The following ANO10 variants were observed in gnomAD, a reference collection of about 807,000 sequenced individuals.
The protein encoded by ANO10 is anoctamin-10.
ANO10 carries 77 observed loss-of-function variants against 74.7 expected under a neutral mutation model. The ratio of observed to expected loss-of-function variants is 1.03; its 90% CI spans 0.86 to 1.25. ANO10 has a LOEUF of 1.25. Among genes scored for constraint, ANO10 ranks in the 50% most tolerant of loss-of-function variants. The pLI, the probability that ANO10 is intolerant of heterozygous loss-of-function variation, is 0.00. For missense variants in ANO10, 721 were observed against 778.1 expected (o/e 0.93, Z 0.87); for synonymous variants, 279 against 284.9 (o/e 0.98, Z 0.21).
At chr3:43,655,105 G>A (rs373483450) in intron 1 of ANO10, among the ~76,000 whole-genome samples, 3 of 152,166 alleles carry the variant, frequency 2.0e-5, no homozygotes, top group Non-Finnish European at 2.9e-5. Flanking sequence ...CGTATACACA[G>A]TAAAACTAGA....
intron 11 of ANO10, among the ~76,000 whole-genome samples, chr3:43,541,344 C>T (rs954090120): frequency 6.6e-6 from 1 of 152,188 alleles, no homozygotes; most frequent in African/African-American, 2.4e-5. Context: ...ATACTGCATG[C>T]ATTTATTCAT....
intron 12 of ANO10, among the ~76,000 whole-genome samples, chr3:43,424,947 A>G (rs777777650): frequency 9.2e-5 from 14 of 152,130 alleles, no homozygotes; most frequent in Admixed American, 2.0e-4. Context: ...TAGATATACC[A>G]TAAACTTTGG....
chr3:43,414,127 A>G (rs2092704186), intron 12 of ANO10, among the ~76,000 whole-genome samples: 2 of 152,318 alleles, frequency 1.3e-5, no homozygotes, highest in East Asian at 1.9e-4. Flanking sequence ...AAAAGGCAGG[A>G]TATTTTGCTA....
intron 12 of ANO10, among the ~76,000 whole-genome samples, chr3:43,419,886 C>T (rs548678903): frequency 1.3e-5 from 2 of 152,244 alleles, no homozygotes; most frequent in East Asian, 1.9e-4. Flanking sequence ...TATTTATGTT[C>T]TCATAAGCAT....
intron 12 of ANO10, among the ~76,000 whole-genome samples, chr3:43,410,287 C>T (rs928238246): frequency 1.3e-5 from 2 of 151,956 alleles, no homozygotes; most frequent in Admixed American, 6.6e-5. Flanking sequence ...GTCTCTCTGT[C>T]TCACCCAGGC....
chr3:43,404,670 C>G (rs2092542434), intron 12 of ANO10, among the ~76,000 whole-genome samples: 3 of 151,846 alleles, frequency 2.0e-5, no homozygotes, highest in Admixed American at 2.0e-4. Flanking sequence ...TAGCTTGAGC[C>G]CAGGAGTTTG....
At chr3:43,406,499 C>T (rs1454960015) in intron 12 of ANO10, among the ~76,000 whole-genome samples, 1 of 152,104 alleles carries the variant, frequency 6.6e-6, no homozygotes, top group African/African-American at 2.4e-5. Flanking sequence ...AAACAACAGT[C>T]ACATTCTTAT....
intron 1 of ANO10, among the ~76,000 whole-genome samples, chr3:43,672,581 C>T (rs113270071): frequency 0.012 from 1,772 of 152,156 alleles, 18 homozygotes; most frequent in Middle Eastern, 0.031. Context: ...TTCAGATGCA[C>T]TTTCATAAAT....
chr3:43,658,758 A>G (rs1307424175), intron 1 of ANO10, among the ~76,000 whole-genome samples: 3 of 152,040 alleles, frequency 2.0e-5, no homozygotes, highest in Admixed American at 2.0e-4. Flanking sequence ...ATTAGCCACC[A>G]CACCCAGCCA....
chr3:43,628,586 C>T (rs903581346), intron 1 of ANO10, among the ~76,000 whole-genome samples: 13 of 152,276 alleles, frequency 8.5e-5, no homozygotes, highest in Middle Eastern at 3.4e-3. Context: ...GCTGGTGAGC[C>T]GGGCGGAACA....
intron 1 of ANO10, among the ~76,000 whole-genome samples, chr3:43,608,771 G>T (rs937541594): frequency 7.2e-5 from 11 of 151,980 alleles, no homozygotes; most frequent in African/African-American, 2.7e-4. Context: ...TGTAGAGATG[G>T]GGTCTCCCTA....
At chr3:43,485,663 C>CCG (rs1415369540) in intron 11 of ANO10, 2 of 179,580 alleles carry the variant, frequency 1.1e-5, no homozygotes, top group Non-Finnish European at 2.4e-5. Flanking sequence ...AGTTCTTCAC[C>CCG]CGCAGTGGGG....
chr3:43,632,273 C>T (rs1480003543), intron 1 of ANO10, among the ~76,000 whole-genome samples: 3 of 152,218 alleles, frequency 2.0e-5, no homozygotes, highest in South Asian at 2.1e-4. Context: ...TGTCAGTAGG[C>T]TTCCTTGTCT....
intron 1 of ANO10, among the ~76,000 whole-genome samples, chr3:43,619,074 G>T (rs1198320791): frequency 4.6e-5 from 7 of 152,248 alleles, no homozygotes; most frequent in Non-Finnish European, 1.0e-4. Context: ...AAAGTGCTGG[G>T]ATTACAGGCG....
At chr3:43,431,900 T>G (rs1318446768) in intron 12 of ANO10, among the ~76,000 whole-genome samples, 1 of 152,054 alleles carries the variant, frequency 6.6e-6, no homozygotes. Flanking sequence ...TTTCTATGCA[T>G]AGTGGTTTGG....
At chr3:43,597,929 A>G (rs933468070) in intron 4 of ANO10, among the ~76,000 whole-genome samples, 2 of 152,026 alleles carry the variant, frequency 1.3e-5, no homozygotes, top group African/African-American at 4.8e-5. Context: ...AAAACAAACA[A>G]AACAACAACA....
chr3:43,686,912 C>T (rs2084282493), intron 1 of ANO10, among the ~76,000 whole-genome samples: 1 of 152,040 alleles, frequency 6.6e-6, no homozygotes, highest in Admixed American at 6.5e-5. Context: ...TCAGGTTCTA[C>T]CTCAGACCTA....
chr3:43,591,873 C>T (rs573481023), intron 4 of ANO10, among the ~76,000 whole-genome samples: 3 of 152,346 alleles, frequency 2.0e-5, no homozygotes, highest in South Asian at 4.1e-4. Context: ...ACAGATGGCA[C>T]CTGGAAAATT....
At chr3:43,393,216 C>A (rs922937187) in intron 12 of ANO10, among the ~76,000 whole-genome samples, 2 of 152,196 alleles carry the variant, frequency 1.3e-5, no homozygotes, top group East Asian at 3.9e-4. Context: ...ATTAACAACA[C>A]TAAATTCAAG....
Sources: allele counts gnomAD v4.1 joint callset (sites outside exome capture counted in the v4.1 genomes callset), GRCh38; gene constraint gnomAD v4.1.1; transcripts MANE v1.5; gene names NCBI Gene and HGNC (gene_info 2026-07-23, HGNC 2026-07-21).